Variants in CREB1 observed in about 807,000 individuals in gnomAD.
CREB1 encodes the protein cyclic AMP-responsive element-binding protein 1.
Under a neutral mutation model 42.0 loss-of-function variants are expected in CREB1, and 2 were observed. The ratio of observed to expected loss-of-function variants is 0.05; its 90% CI spans 0.02 to 0.15. The LOEUF (loss-of-function observed/expected upper bound fraction) is 0.15. Ranked by LOEUF, CREB1 falls within the 10% of genes least tolerant of loss-of-function variation. CREB1 has a pLI of 1.00. For missense variants in CREB1, 199 were observed against 388.9 expected (o/e 0.51, Z 4.11); for synonymous variants, 123 against 139.9 (o/e 0.88, Z 0.85).
At chr2:207,563,165 G>T (rs556311745) in intron 3 of CREB1, among the ~76,000 whole-genome samples, 1 of 152,246 alleles carries the variant, frequency 6.6e-6, no homozygotes, top group South Asian at 2.1e-4. Flanking sequence ...CATGCAGATC[G>T]AAAGGTTTGG....
chr2:207,539,537 A>G (rs1266950092), intron 1 of CREB1, among the ~76,000 whole-genome samples: 2 of 152,174 alleles, frequency 1.3e-5, no homozygotes, highest in African/African-American at 4.8e-5. Flanking sequence ...TCAGTTAGGT[A>G]TTTATAAAAA....
intron 7 of CREB1, among the ~76,000 whole-genome samples, chr2:207,595,838 G>A (rs1225662385): frequency 6.6e-6 from 1 of 152,102 alleles, no homozygotes; most frequent in Admixed American, 6.5e-5. Context: ...CAAAGTGCTG[G>A]GATTATAGGC....
intron 7 of CREB1, among the ~76,000 whole-genome samples, chr2:207,594,466 A>G (rs1035213913): frequency 6.6e-6 from 1 of 152,222 alleles, no homozygotes; most frequent in Non-Finnish European, 1.5e-5. Flanking sequence ...CATAAGAGAA[A>G]TTACACAATA....
intron 3 of CREB1, among the ~76,000 whole-genome samples, chr2:207,562,506 TA>T (rs1230453332): frequency 6.6e-6 from 1 of 152,196 alleles, no homozygotes; most frequent in Non-Finnish European, 1.5e-5. Context: ...TATTCATCTT[TA>T]AGGAACACAT....
intron 7 of CREB1, among the ~76,000 whole-genome samples, chr2:207,591,021 G>A (rs969862557): frequency 3.9e-5 from 6 of 151,974 alleles, no homozygotes; most frequent in African/African-American, 9.7e-5. Context: ...CCAAATAATC[G>A]AGGATCTTCC....
In CREB1 at chr2:207,602,906, G is replaced by T; in HGVS notation, c.*5848G>T. On this transcript the variant is annotated 3_prime_UTR_variant, in exon 8 of 8. Coordinates refer to ENST00000353267, the MANE Select transcript of CREB1 (RefSeq NM_004379.5). ...GTAACTCCCCCACTCCCTGCAAAAGGAATTATTTCTAACCCAGATGTATCA... is the reference window on the plus strand; with the variant it reads ...GTAACTCCCCCACTCCCTGCAAAAGTAATTATTTCTAACCCAGATGTATCA... The T allele has an allele frequency of 4.6e-6, 1 of 216,654 alleles. No homozygotes were observed. Among genetic ancestry groups the T allele is most frequent in the East Asian group, 6.8e-5 (1 of 14,608 alleles). 13.4% of individuals were successfully genotyped at this position (216,654 alleles called of 1,614,324 possible).
chr2:207,571,022 C>CTTTTTTTTTTTTTTTTT (rs71036933), intron 5 of CREB1, among the ~76,000 whole-genome samples: 4 of 68,454 alleles, frequency 5.8e-5, no homozygotes, highest in Non-Finnish European at 9.8e-5. Context: ...CTCTTTTTCC[C>CTTTTTTTTTTTTTTTTT]TTTTTTTTTT....
At chr2:207,589,716 C>CA (rs1021904848) in intron 7 of CREB1, among the ~76,000 whole-genome samples, 2 of 152,084 alleles carry the variant, frequency 1.3e-5, no homozygotes, top group Non-Finnish European at 2.9e-5. Context: ...CTGAGGTGAT[C>CA]GTGTTGTTTC....
chr2:207,565,486 AC>A (rs2082105301), intron 3 of CREB1, among the ~76,000 whole-genome samples: 1 of 149,662 alleles, frequency 6.7e-6, no homozygotes, highest in African/African-American at 2.5e-5. Context: ...GAGAAAGGCA[AC>A]CTTTTTTTTT....
chr2:207,589,119 C>T (rs750446860), intron 7 of CREB1, among the ~76,000 whole-genome samples: 2 of 152,086 alleles, frequency 1.3e-5, no homozygotes, highest in Non-Finnish European at 2.9e-5. Context: ...CACAAACTGC[C>T]ACAAACTTAC....
intron 1 of CREB1, among the ~76,000 whole-genome samples, chr2:207,544,803 C>G (rs1364675896): frequency 1.3e-5 from 2 of 152,122 alleles, no homozygotes; most frequent in African/African-American, 2.4e-5. Context: ...CTCCCACTTA[C>G]AAATGAGAAC....
intron 5 of CREB1, among the ~76,000 whole-genome samples, chr2:207,571,527 T>G (rs1190477241): frequency 6.6e-6 from 1 of 152,200 alleles, no homozygotes; most frequent in Non-Finnish European, 1.5e-5. Flanking sequence ...CATTTTTGAC[T>G]AAGGTTTTTA....
chr2:207,590,089 T>TG (rs1012772586), intron 7 of CREB1, among the ~76,000 whole-genome samples: 11 of 137,046 alleles, frequency 8.0e-5, no homozygotes, highest in East Asian at 2.0e-4. Context: ...AGAAGTTTTT[T>TG]TTTTTTTTTT....
chr2:207,549,132 C>T (rs1410779149), intron 1 of CREB1, among the ~76,000 whole-genome samples: 1 of 152,096 alleles, frequency 6.6e-6, no homozygotes, highest in Non-Finnish European at 1.5e-5. Flanking sequence ...TATTTATAAC[C>T]TTTGTTACAG....
chr2:207,537,758 T>C (rs980606737), intron 1 of CREB1, among the ~76,000 whole-genome samples: 3 of 152,234 alleles, frequency 2.0e-5, no homozygotes, highest in African/African-American at 7.2e-5. Context: ...TTGTCTTATC[T>C]ACTGGGTTTT....
intron 1 of CREB1, 73 bp downstream of exon 1, chr2:207,530,207 G>C (rs1163544238): frequency 6.6e-6 from 1 of 152,618 alleles, no homozygotes. Context: ...GGAGGCGCCG[G>C]ACACCCGCGC....
chr2:207,567,825 G>T, intron 4 of CREB1: 1 of 249,540 alleles, frequency 4.0e-6, no homozygotes, highest in South Asian at 9.2e-5. Context: ...TTAAAAGTTT[G>T]GAATACAGTT....
At position 207,605,052 on chromosome 2, in the gene CREB1, G is replaced by C. The variant is rs1318326074; in HGVS notation, c.*7994G>C. On this transcript the variant is annotated 3_prime_UTR_variant, in exon 8 of 8. Coordinates refer to ENST00000353267, the MANE Select transcript of CREB1 (RefSeq NM_004379.5). ...TATGAATGTTCGTGTACAAGTATTT[G>C]AGTCCGTGTTTTCAATTATTTGGGG... Among the ~76,000 whole-genome samples, 1 of 152,162 alleles carries C rather than the reference G, an allele frequency of 6.6e-6. No individual in the cohort carries two copies. Among genetic ancestry groups the C allele is most frequent in the Non-Finnish European group, 1.5e-5 (1 of 68,036 alleles).
chr2:207,583,796 A>G (rs946749376), intron 7 of CREB1, among the ~76,000 whole-genome samples: 2 of 152,238 alleles, frequency 1.3e-5, no homozygotes, highest in Admixed American at 1.3e-4. Flanking sequence ...GTTAACTAAC[A>G]GTTATATAAT....
Sources: allele counts gnomAD v4.1 joint callset (sites outside exome capture counted in the v4.1 genomes callset), GRCh38; gene constraint gnomAD v4.1.1; transcripts MANE v1.5; gene names NCBI Gene and HGNC (gene_info 2026-07-23, HGNC 2026-07-21).